Variants in NEBL observed in about 807,000 individuals in gnomAD.
The protein encoded by NEBL is LIM and SH3 protein 2.
A neutral mutation model predicts 140.2 loss-of-function variants in NEBL; 122 were observed. The ratio of observed to expected loss-of-function variants is 0.87; its 90% confidence interval spans 0.75 to 1.01. The LOEUF (loss-of-function observed/expected upper bound fraction) is 1.01, where lower values mean the gene tolerates loss of function less well. NEBL is among the 50% of genes least tolerant of loss of function. The probability of loss-of-function intolerance (pLI) is 0.00; values close to 1 mark genes in which losing one functional copy is unlikely to be tolerated. For synonymous variants in NEBL, 436 were observed against 398.9 expected, an observed-to-expected ratio of 1.09 and a Z score of -1.11; for missense variants, 1,365 against 1,231.3, an observed-to-expected ratio of 1.11 and a Z score of -1.62.
chr10:21,254,127 T>G (rs1842624795), intron 1 of NEBL, among the ~76,000 whole-genome samples: 1 of 152,182 alleles, frequency 6.6e-6, no homozygotes, highest in Admixed American at 6.5e-5. Context: ...TATGTAGAAT[T>G]TTAAAATAAT....
At chr10:21,039,173 G>T (rs1834151420) in intron 2 of NEBL, among the ~76,000 whole-genome samples, 1 of 147,830 alleles carries the variant, frequency 6.8e-6, no homozygotes, top group Non-Finnish European at 1.5e-5. Flanking sequence ...CATTCTGTAG[G>T]TTGCCTGTTC....
At chr10:21,237,983 C>A (rs1842382834) in intron 3 of NEBL, among the ~76,000 whole-genome samples, 1 of 152,170 alleles carries the variant, frequency 6.6e-6, no homozygotes, top group Non-Finnish European at 1.5e-5. Context: ...ATCTATAAAC[C>A]TTTGAGCAAA....
chr10:20,853,653 T>C lies in NEBL; in HGVS notation c.904-1004A>G, dbSNP rs554384898. ...AAATAAAGAAATCAGCTGGGCATGG[T>C]GACATGCACCTATAGCCCCAGCTAC... On this transcript the variant is annotated intron_variant, in intron 9 of 27. Coordinates refer to ENST00000377122, the MANE Select transcript of NEBL (RefSeq NM_006393.3). Among the ~76,000 whole-genome samples the C allele has an allele frequency of 1.6e-4, 24 of 152,174 alleles. 1 individual carries two copies. The East Asian group carries it at 4.3e-3, about 27-fold the overall frequency.
intron 13 of NEBL, among the ~76,000 whole-genome samples, chr10:20,838,008 T>C (rs193076467): frequency 6.4e-4 from 98 of 152,338 alleles, no homozygotes; most frequent in Non-Finnish European, 1.2e-3. Flanking sequence ...ACAGTTCTGA[T>C]AGAAATGTAT....
chr10:20,891,798 T>G (rs1011255496), intron 2 of NEBL, among the ~76,000 whole-genome samples: 2 of 152,184 alleles, frequency 1.3e-5, no homozygotes, highest in African/African-American at 2.4e-5. Context: ...TTGTACAATT[T>G]GTTAGAAGTC....
intron 2 of NEBL, among the ~76,000 whole-genome samples, chr10:21,138,970 C>T (rs1275438013): frequency 6.6e-6 from 1 of 152,142 alleles, no homozygotes; most frequent in Non-Finnish European, 1.5e-5. Context: ...AGCCACTATC[C>T]ATGACTTCAT....
At chr10:20,940,523 G>T (rs1287695672) in intron 4 of NEBL, among the ~76,000 whole-genome samples, 2 of 143,814 alleles carry the variant, frequency 1.4e-5, no homozygotes, top group Non-Finnish European at 3.0e-5. Context: ...ACAATTAAAA[G>T]AACTAGAAAA....
chr10:21,241,282 AAAT>A (rs1842436199), intron 3 of NEBL, among the ~76,000 whole-genome samples: 1 of 150,904 alleles, frequency 6.6e-6, no homozygotes, highest in Admixed American at 6.6e-5. Flanking sequence ...ATAAATAAAT[AAAT>A]AAAAATAAAA....
At chr10:21,210,397 AAAAG>A (rs1022490899) in intron 3 of NEBL, among the ~76,000 whole-genome samples, 7 of 152,360 alleles carry the variant, frequency 4.6e-5, no homozygotes, top group Admixed American at 2.6e-4. Context: ...TGTCTCAAAA[AAAAG>A]AAAGAAAGAA....
At chr10:21,063,824 C>T (rs1835406961) in intron 2 of NEBL, among the ~76,000 whole-genome samples, 1 of 152,048 alleles carries the variant, frequency 6.6e-6, no homozygotes, top group African/African-American at 2.4e-5. Context: ...GAGCCAAGGT[C>T]ACGCCACTGC....
chr10:21,142,383 A>T (rs1839670402), intron 2 of NEBL, among the ~76,000 whole-genome samples: 1 of 152,128 alleles, frequency 6.6e-6, no homozygotes, highest in Non-Finnish European at 1.5e-5. Context: ...ACCACCCCAG[A>T]AGTTCCAGAT....
intron 2 of NEBL, among the ~76,000 whole-genome samples, chr10:21,161,015 T>A (rs1346310330): frequency 6.6e-6 from 1 of 152,136 alleles, no homozygotes; most frequent in African/African-American, 2.4e-5. Flanking sequence ...CATCATTTGT[T>A]CCATTGCATG....
At chr10:21,081,295 G>T (rs192927194) in intron 2 of NEBL, among the ~76,000 whole-genome samples, 2 of 152,336 alleles carry the variant, frequency 1.3e-5, no homozygotes, top group African/African-American at 4.8e-5. Flanking sequence ...GTTGTGGGGA[G>T]CTCCAGCAGC....
intron 2 of NEBL, among the ~76,000 whole-genome samples, chr10:21,036,299 C>T (rs372638522): frequency 6.6e-6 from 1 of 151,992 alleles, no homozygotes; most frequent in Non-Finnish European, 1.5e-5. Flanking sequence ...ACAAAAAATT[C>T]TCAAATTAGC....
chr10:20,984,372 G>C (rs1275845817), intron 3 of NEBL, among the ~76,000 whole-genome samples: 2 of 152,100 alleles, frequency 1.3e-5, no homozygotes, highest in Non-Finnish European at 2.9e-5. Context: ...TAATCTAGAG[G>C]AATGGAATGT....
intron 4 of NEBL, among the ~76,000 whole-genome samples, chr10:20,950,118 G>A (rs560497578): frequency 7.2e-5 from 11 of 152,282 alleles, no homozygotes; most frequent in African/African-American, 2.6e-4. Flanking sequence ...TACAGAGCTT[G>A]TTGCTCTAAC....
intron 4 of NEBL, among the ~76,000 whole-genome samples, chr10:20,916,666 T>C (rs1375347095): frequency 1.3e-5 from 2 of 152,206 alleles, no homozygotes; most frequent in African/African-American, 4.8e-5. Flanking sequence ...CACCTCAGCC[T>C]CTCAAAATGC....
intron 3 of NEBL, among the ~76,000 whole-genome samples, chr10:21,242,667 T>C (rs1842456536): frequency 6.6e-6 from 1 of 152,194 alleles, no homozygotes; most frequent in South Asian, 2.1e-4. Flanking sequence ...CACAACTCAC[T>C]TGGGTAAATT....
chr10:21,196,708 C>T (rs912150937), intron 3 of NEBL, among the ~76,000 whole-genome samples: 12 of 152,180 alleles, frequency 7.9e-5, no homozygotes, highest in Non-Finnish European at 1.3e-4. Flanking sequence ...AATCTCTCCA[C>T]TTGACTGGCT....
Sources: allele counts gnomAD v4.1 joint callset (sites outside exome capture counted in the v4.1 genomes callset), GRCh38; gene constraint gnomAD v4.1.1; transcripts MANE v1.5; gene names NCBI Gene and HGNC (gene_info 2026-07-23, HGNC 2026-07-21).